SMOC1: variants seen among roughly 807,000 people sequenced by gnomAD.
The protein encoded by SMOC1 is SPARC-related modular calcium-binding protein 1.
In SMOC1, 22 loss-of-function variants were observed where a neutral mutation model predicts 56.3. The ratio of observed to expected loss-of-function variants is 0.39; its 90% confidence interval spans 0.28 to 0.56. The LOEUF is 0.56. SMOC1 is among the 20% of genes least tolerant of loss of function. The pLI is 0.61. For synonymous variants in SMOC1, 193 were observed against 215.0 expected (o/e 0.90, Z 0.89); for missense variants, 509 against 565.4 (o/e 0.90, Z 1.01).
At chr14:69,906,503 C>G (rs894397211) in intron 1 of SMOC1, among the ~76,000 whole-genome samples, 5 of 152,216 alleles carry the variant, frequency 3.3e-5, no homozygotes, top group Admixed American at 2.6e-4. Context: ...AAATTCAACC[C>G]TAGCCTTTGA....
chr14:69,936,742 G>GT (rs1271523288), intron 1 of SMOC1, among the ~76,000 whole-genome samples: 1 of 152,152 alleles, frequency 6.6e-6, no homozygotes, highest in East Asian at 1.9e-4. Context: ...TAAAACAGGT[G>GT]TTTTTTAGGA....
chr14:69,953,366 G>C, intron 2 of SMOC1, 54 bp from the exon 3 acceptor site: 1 of 1,545,598 alleles, frequency 6.5e-7, no homozygotes, highest in Non-Finnish European at 8.9e-7. Flanking sequence ...TTTGTCCCTC[G>C]GCCCCAGTGT....
intron 8 of SMOC1, 95 bp from the exon 9 acceptor site, chr14:70,011,390 C>A: frequency 8.1e-7 from 1 of 1,229,054 alleles, no homozygotes; most frequent in Non-Finnish European, 1.2e-6. Flanking sequence ...GTGCTTTAGG[C>A]TTGGTGACAA....
At chr14:69,928,598 A>G (rs940724750) in intron 1 of SMOC1, among the ~76,000 whole-genome samples, 5 of 132,058 alleles carry the variant, frequency 3.8e-5, no homozygotes, top group Non-Finnish European at 8.0e-5. Context: ...TATGTGCACT[A>G]CTTTAGAGGT....
chr14:69,926,000 G>A (rs1469730108), intron 1 of SMOC1, among the ~76,000 whole-genome samples: 1 of 151,554 alleles, frequency 6.6e-6, no homozygotes, highest in Non-Finnish European at 1.5e-5. Flanking sequence ...CTCCCCTCAG[G>A]AACTCTCTGT....
intron 3 of SMOC1, among the ~76,000 whole-genome samples, chr14:69,954,103 T>C (rs1201216725): frequency 6.6e-6 from 1 of 152,218 alleles, no homozygotes; most frequent in Non-Finnish European, 1.5e-5. Flanking sequence ...TGCATGATCT[T>C]CTGGTTAGTG....
intron 1 of SMOC1, among the ~76,000 whole-genome samples, chr14:69,949,207 G>A (rs760155241): frequency 1.3e-5 from 2 of 152,176 alleles, no homozygotes; most frequent in Non-Finnish European, 2.9e-5. Context: ...AAGTGGGATG[G>A]GAGAACATGG....
chr14:69,880,369 G>A (rs1179640732), intron 1 of SMOC1, among the ~76,000 whole-genome samples: 3 of 152,170 alleles, frequency 2.0e-5, no homozygotes, highest in East Asian at 3.9e-4. Flanking sequence ...AGAGGTGGGA[G>A]GGGAGAGTTG....
chr14:69,903,241 G>T (rs2139330041), intron 1 of SMOC1, among the ~76,000 whole-genome samples: 1 of 152,212 alleles, frequency 6.6e-6, no homozygotes, highest in Admixed American at 6.5e-5. Flanking sequence ...CCCCGTCTGG[G>T]ATGTGAGGAG....
At chr14:69,944,860 A>G (rs938006668) in intron 1 of SMOC1, among the ~76,000 whole-genome samples, 1 of 152,220 alleles carries the variant, frequency 6.6e-6, no homozygotes, top group Non-Finnish European at 1.5e-5. Context: ...TATCTCAGCC[A>G]TACTGGTATA....
chr14:69,963,634 G>A (rs1430048393), intron 3 of SMOC1, among the ~76,000 whole-genome samples: 2 of 152,094 alleles, frequency 1.3e-5, no homozygotes, highest in East Asian at 3.9e-4. Flanking sequence ...ATCTGGGAGA[G>A]GTAGAAGCTG....
rs140133182 is a variant in SMOC1, at chr14:69,943,843, G to A, written c.100-8295G>A. 6.8e-3 allele frequency among the ~76,000 whole-genome samples: 1,036 copies of A among 152,296 alleles called. 10 individuals are homozygous for A. Among genetic ancestry groups the A allele is most frequent in the African/African-American group, 0.024 (985 of 41,560 alleles). The stretch of plus-strand genomic sequence containing the variant: ...CTTCTCCTCTTCTGTTCTCCTGGGG[G>A]CAACTACTATAGACCCAAACCACTG... On this transcript the variant is annotated intron_variant, in intron 1 of 11. Coordinates refer to ENST00000361956, the MANE Select transcript of SMOC1 (RefSeq NM_001034852.3).
chr14:69,893,251 C>T (rs1369783167), intron 1 of SMOC1, among the ~76,000 whole-genome samples: 1 of 152,156 alleles, frequency 6.6e-6, no homozygotes, highest in Non-Finnish European at 1.5e-5. Flanking sequence ...TGTTAGCACC[C>T]ATTGATGATC....
intron 7 of SMOC1, among the ~76,000 whole-genome samples, chr14:70,001,969 T>C (rs114022619): frequency 0.012 from 1,813 of 152,304 alleles, 39 homozygotes; most frequent in African/African-American, 0.04. Context: ...GACCCTTCGA[T>C]AGGAGTATGC....
At chr14:69,937,778 A>G (rs1227484899) in intron 1 of SMOC1, among the ~76,000 whole-genome samples, 1 of 152,132 alleles carries the variant, frequency 6.6e-6, no homozygotes, top group Non-Finnish European at 1.5e-5. Context: ...GCATGCTCAC[A>G]TGTGTGCATG....
chr14:69,886,698 G>T (rs901813948), intron 1 of SMOC1, among the ~76,000 whole-genome samples: 2 of 152,136 alleles, frequency 1.3e-5, no homozygotes, highest in Admixed American at 6.5e-5. Flanking sequence ...CCAGCATCTG[G>T]TCCAGGGTGG....
At chr14:69,957,203 GT>G (rs1191138504) in intron 3 of SMOC1, among the ~76,000 whole-genome samples, 1 of 152,222 alleles carries the variant, frequency 6.6e-6, no homozygotes, top group African/African-American at 2.4e-5. Flanking sequence ...CAGTGGAAGG[GT>G]GTTGGGCTGT....
intron 7 of SMOC1, among the ~76,000 whole-genome samples, chr14:70,010,293 CTG>C (rs1885291624): frequency 6.6e-6 from 1 of 152,218 alleles, no homozygotes; most frequent in Non-Finnish European, 1.5e-5. Context: ...CTCCATCATG[CTG>C]TGTCTGGGCG....
rs1243695781 is a variant in SMOC1, at chr14:70,019,671, A to AG, written c.1047-3527dup. Reference sequence around the variant, plus strand: ...TTCTTGGGCTATGGCTTTGTGGTTGAGGGGGTCTAACTGTGATGGAAAGTC... The same window carrying AG: ...TTCTTGGGCTATGGCTTTGTGGTTGAGGGGGGTCTAACTGTGATGGAAAGTC... On this transcript the variant is annotated intron_variant, in intron 10 of 11. Coordinates refer to ENST00000361956, the MANE Select transcript of SMOC1 (RefSeq NM_001034852.3). Among the ~76,000 whole-genome samples the AG allele has an allele frequency of 3.3e-5, 5 of 152,214 alleles. No homozygotes were observed. In the South Asian group the frequency reaches 1.0e-3, roughly 32 times the overall value.
Sources: gnomAD v4.1 joint callset for allele counts (sites outside exome capture counted in the v4.1 genomes callset) on GRCh38, gnomAD v4.1.1 for gene constraint, MANE v1.5 for transcripts, NCBI Gene and HGNC (gene_info 2026-07-23, HGNC 2026-07-21) for gene names.